Variants in NFATC3 observed in about 807,000 individuals in gnomAD.
NFATC3 encodes nuclear factor of activated T-cells, cytoplasmic 3.
A neutral mutation model predicts 98.6 loss-of-function variants in NFATC3; 46 were observed. That is an observed-to-expected ratio of 0.47 (90% CI 0.37 to 0.60). The LOEUF is 0.60. Ranked by LOEUF, NFATC3 falls within the 20% of genes least tolerant of loss-of-function variation. NFATC3 has a pLI of 0.00. For missense variants in NFATC3, 1,256 were observed against 1,295.5 expected (o/e 0.97, Z 0.47); for synonymous variants, 512 against 472.2 (o/e 1.08, Z -1.09).
chr16:68,130,362 A>G lies in NFATC3; in HGVS notation c.1401+3752A>G, dbSNP rs370685132. 2.2e-4 allele frequency among the ~76,000 whole-genome samples: 34 copies of G among 152,156 alleles called. 1 individual carries two copies. The South Asian group carries it at 6.8e-3, about 31-fold the overall frequency. ...TAGCCATGCTAACCGGAGTGATATT[A>G]TATCTCATTGTGGTTTTGATTTGCA... On this transcript the variant is annotated intron_variant, in intron 3 of 9. Coordinates refer to ENST00000346183, the MANE Select transcript of NFATC3 (RefSeq NM_173165.3).
At chr16:68,125,249 C>T (rs1187349258) in intron 2 of NFATC3, among the ~76,000 whole-genome samples, 2 of 152,102 alleles carry the variant, frequency 1.3e-5, no homozygotes, top group Admixed American at 6.5e-5. Context: ...CTTGAATTCA[C>T]AGGAGTAGGA....
At chr16:68,118,095 C>T (rs1469084366) in intron 1 of NFATC3, among the ~76,000 whole-genome samples, 1 of 152,224 alleles carries the variant, frequency 6.6e-6, no homozygotes, top group Non-Finnish European at 1.5e-5. Flanking sequence ...CGTTATTTGA[C>T]TCAGACTGTT....
intron 9 of NFATC3, among the ~76,000 whole-genome samples, chr16:68,194,682 A>C (rs577932139): frequency 6.6e-6 from 1 of 152,294 alleles, no homozygotes; most frequent in South Asian, 2.1e-4. Flanking sequence ...AGAGCACTTC[A>C]GCTCATTTTT....
chr16:68,167,900 T>C (rs1252312460), intron 5 of NFATC3, among the ~76,000 whole-genome samples: 1 of 142,094 alleles, frequency 7.0e-6, no homozygotes, highest in Non-Finnish European at 1.5e-5. Flanking sequence ...TGTTGTGATC[T>C]TGGCTCACTG....
chr16:68,140,885 C>T (rs146724400), intron 3 of NFATC3, among the ~76,000 whole-genome samples: 370 of 152,180 alleles, frequency 2.4e-3, no homozygotes, highest in African/African-American at 8.6e-3. Context: ...GATTTCAGTG[C>T]ACCTCTCACC....
Position 68,226,590 on chromosome 16 carries a change from G to T in NFATC3, c.*119G>T, listed in dbSNP as rs2042042266. On this transcript the variant is annotated 3_prime_UTR_variant, in exon 10 of 10. Coordinates refer to ENST00000346183, the MANE Select transcript of NFATC3 (RefSeq NM_173165.3). ...GGGCCAGGAGTGGGACCCACCATTT[G>T]TGGGGAAAGTAGCATTCCTCCACCT... 1.7e-5 allele frequency: 20 copies of T among 1,198,276 alleles called. No individual in the cohort carries two copies. The highest frequency in any genetic ancestry group is 2.1e-5 in the Non-Finnish European group (19 of 899,702). 74.2% of individuals were successfully genotyped at this position (1,198,276 alleles called of 1,614,324 possible). A position where few individuals can be genotyped will look rare whatever the true frequency, so the allele number is the denominator to read the frequency against.
chr16:68,187,025 G>T (rs1056657052), intron 8 of NFATC3, among the ~76,000 whole-genome samples: 1 of 152,234 alleles, frequency 6.6e-6, no homozygotes, highest in African/African-American at 2.4e-5. Flanking sequence ...CGTGCAACTG[G>T]CCTGGATCCC....
intron 1 of NFATC3, among the ~76,000 whole-genome samples, chr16:68,096,630 TA>T (rs1347040241): frequency 6.6e-6 from 1 of 152,146 alleles, no homozygotes; most frequent in Non-Finnish European, 1.5e-5. Context: ...TCTGAGCATA[TA>T]ATGACACAGA....
In NFATC3 at chr16:68,126,729, G is replaced by C. The variant is rs1598407653; in HGVS notation, c.1401+119G>C. 5 of 914,926 alleles carry C rather than the reference G, an allele frequency of 5.5e-6. No homozygotes were observed. In the East Asian group the frequency reaches 7.5e-5, roughly 14 times the overall value. The allele number at this position is 914,926 out of a possible 1,614,324, so 56.7% of individuals were successfully genotyped here. On this transcript the variant is annotated intron_variant, in intron 3 of 9. Coordinates refer to ENST00000346183, the MANE Select transcript of NFATC3 (RefSeq NM_173165.3). Reference sequence around the variant, plus strand: ...ATAAACTCAAAACTAGAGAGCCTCTGTTGTTTTGGGGGCTTGTTGATGTGA... The same window carrying C: ...ATAAACTCAAAACTAGAGAGCCTCTCTTGTTTTGGGGGCTTGTTGATGTGA...
chr16:68,217,508 C>G (rs2041684711), intron 9 of NFATC3, among the ~76,000 whole-genome samples: 1 of 148,384 alleles, frequency 6.7e-6, no homozygotes, highest in Admixed American at 6.8e-5. Context: ...TGAAAGAGCT[C>G]AAGCTGGTTT....
At chr16:68,145,128 T>G (rs1282250331) in intron 3 of NFATC3, among the ~76,000 whole-genome samples, 2 of 147,684 alleles carry the variant, frequency 1.4e-5, no homozygotes, top group Non-Finnish European at 3.0e-5. Flanking sequence ...TTTCTTTCTC[T>G]CTCTCTTTTT....
Position 68,226,409 on chromosome 16 carries a change from A to T in NFATC3, c.3166A>T (p.Ser1056Cys), listed in dbSNP as rs757356353. The change falls in exon 10 of 10, where the codon AGC becomes TGC. Residue 1056 changes from serine to cysteine, a missense_variant. Physicochemically the swap from Ser to Cys is moderately radical, Grantham distance 112. Around this residue, in one of 3 missense-constraint regions of NFATC3, gnomAD observed 636 missense variants for 617.3 expected, o/e 1.03. Transcript: ENST00000346183. ...TTCTGTTTCCCAAGGAGCAGGGGTGAGCAGGCAGGCTCCCCTCCCGAGTCC... is the reference window on the plus strand; with the variant it reads ...TTCTGTTTCCCAAGGAGCAGGGGTGTGCAGGCAGGCTCCCCTCCCGAGTCC... ...QISVSQGAGV[S>C]RQAPLPSPES... 106 of 1,571,394 alleles carry T rather than the reference A, an allele frequency of 6.7e-5. No homozygotes were observed. The highest frequency in any genetic ancestry group is 8.9e-5 in the Non-Finnish European group (103 of 1,163,188).
At chr16:68,222,933 C>T (rs2151182174) in intron 9 of NFATC3, among the ~76,000 whole-genome samples, 1 of 152,304 alleles carries the variant, frequency 6.6e-6, no homozygotes, top group South Asian at 2.1e-4. Context: ...ACAGAAAACA[C>T]TCTTCCTTAT....
chr16:68,109,035 C>G (rs1042425961), intron 1 of NFATC3, among the ~76,000 whole-genome samples: 1 of 152,122 alleles, frequency 6.6e-6, no homozygotes, highest in Non-Finnish European at 1.5e-5. Context: ...CAATTTGACT[C>G]CCTCTCTTCC....
chr16:68,202,663 T>A (rs2040975418), intron 9 of NFATC3, among the ~76,000 whole-genome samples: 1 of 151,878 alleles, frequency 6.6e-6, no homozygotes, highest in African/African-American at 2.4e-5. Flanking sequence ...AATACAAAAA[T>A]TAGCTGGGCG....
chr16:68,140,806 A>T (rs1366518538), intron 3 of NFATC3, among the ~76,000 whole-genome samples: 1 of 152,172 alleles, frequency 6.6e-6, no homozygotes, highest in Non-Finnish European at 1.5e-5. Context: ...TATATATTTT[A>T]TTTCAGTAGC....
chr16:68,129,214 A>G (rs1446457097), intron 3 of NFATC3, among the ~76,000 whole-genome samples: 3 of 152,204 alleles, frequency 2.0e-5, no homozygotes, highest in African/African-American at 4.8e-5. Flanking sequence ...GCAGTGAGCT[A>G]TGATCACACC....
chr16:68,123,498 A>C (rs2036659013), intron 2 of NFATC3, among the ~76,000 whole-genome samples: 1 of 91,968 alleles, frequency 1.1e-5, no homozygotes, highest in East Asian at 2.6e-4. Context: ...CTGTCTCTAC[A>C]AAAAAAAAAA....
At chr16:68,154,306 A>G (rs2038496811) in intron 3 of NFATC3, among the ~76,000 whole-genome samples, 1 of 152,072 alleles carries the variant, frequency 6.6e-6, no homozygotes, top group Non-Finnish European at 1.5e-5. Flanking sequence ...CATTCTGTGT[A>G]TAGTTAGTTA....
Sources: gnomAD v4.1 joint callset for allele counts (sites outside exome capture counted in the v4.1 genomes callset) on GRCh38, gnomAD v4.1.1 for gene constraint, gnomAD v4.1.1 regional missense constraint, MANE v1.5 for transcripts, NCBI Gene and HGNC (gene_info 2026-07-23, HGNC 2026-07-21) for gene names.